SPIN1: variants seen among roughly 807,000 people sequenced by gnomAD.
SPIN1 encodes spindlin-1.
Under a neutral mutation model 26.0 loss-of-function variants are expected in SPIN1, and 3 were observed. The observed-to-expected ratio is 0.12, with a 90% CI of 0.05 to 0.30. The LOEUF (loss-of-function observed/expected upper bound fraction) is 0.30, where lower values mean the gene tolerates loss of function less well. SPIN1 is among the 10% of genes least tolerant of loss of function. The pLI, the probability that SPIN1 is intolerant of heterozygous loss-of-function variation, is 1.00. For synonymous variants in SPIN1, 101 were observed against 116.5 expected (o/e 0.87, Z 0.86); for missense variants, 126 against 333.4 (o/e 0.38, Z 4.84).
intron 2 of SPIN1, among the ~76,000 whole-genome samples, chr9:88,447,579 G>A (rs1317426188): frequency 6.6e-6 from 1 of 152,188 alleles, no homozygotes; most frequent in East Asian, 1.9e-4. Context: ...AGTGTTAAGA[G>A]GTGGCGATGG....
intron 2 of SPIN1, among the ~76,000 whole-genome samples, chr9:88,434,639 A>G (rs926400528): frequency 5.3e-5 from 8 of 152,128 alleles, no homozygotes; most frequent in Admixed American, 2.0e-4. Flanking sequence ...AGCAGTATGT[A>G]GAGCTCTTCC....
At chr9:88,452,047 A>G (rs534169228) in intron 3 of SPIN1, among the ~76,000 whole-genome samples, 8 of 152,184 alleles carry the variant, frequency 5.3e-5, no homozygotes, top group Non-Finnish European at 1.2e-4. Flanking sequence ...TTTTTCACTA[A>G]CTTAGAAAGT....
At chr9:88,441,124 C>G (rs1463688662) in intron 2 of SPIN1, among the ~76,000 whole-genome samples, 1 of 151,676 alleles carries the variant, frequency 6.6e-6, no homozygotes, top group East Asian at 1.9e-4. Flanking sequence ...TAAACATGTA[C>G]ATTATTGTCA....
chr9:88,421,897 A>G (rs902907111), intron 1 of SPIN1, among the ~76,000 whole-genome samples: 3 of 151,728 alleles, frequency 2.0e-5, no homozygotes, highest in Admixed American at 2.0e-4. Flanking sequence ...ATATTGCCAC[A>G]TTTCACCTGG....
rs568656483 is a variant in SPIN1, at chr9:88,389,660, A to G, written c.-159+1122A>G. Reference sequence around the variant, plus strand: ...AATGTCTTAAAGGATTTCACTCTACATGACTTGTGCCAGAGACGACACACG... The same window carrying G: ...AATGTCTTAAAGGATTTCACTCTACGTGACTTGTGCCAGAGACGACACACG... On this transcript the variant is annotated intron_variant, in intron 1 of 5. Coordinates refer to ENST00000375859, the MANE Select transcript of SPIN1 (RefSeq NM_006717.3). 1.5e-4 allele frequency among the ~76,000 whole-genome samples: 22 copies of G among 150,818 alleles called. 2 individuals are homozygous for G. The highest frequency in any genetic ancestry group is 5.0e-4 in the African/African-American group (20 of 40,168).
At chr9:88,389,189 C>T (rs536020763) in intron 1 of SPIN1, among the ~76,000 whole-genome samples, 2 of 152,304 alleles carry the variant, frequency 1.3e-5, no homozygotes, top group South Asian at 2.1e-4. Flanking sequence ...AGCCCCTTTC[C>T]TGATGCGCCG....
chr9:88,430,214 C>G (rs977834503), intron 2 of SPIN1, among the ~76,000 whole-genome samples: 1 of 152,218 alleles, frequency 6.6e-6, no homozygotes, highest in Non-Finnish European at 1.5e-5. Context: ...TGCCCTCAGG[C>G]AGGTGTCATC....
chr9:88,402,016 A>C (rs898765806), intron 1 of SPIN1, among the ~76,000 whole-genome samples: 2 of 152,088 alleles, frequency 1.3e-5, no homozygotes, highest in African/African-American at 4.8e-5. Context: ...TTTGAGATGG[A>C]GTCTCGCTCT....
chr9:88,408,378 T>A, intron 1 of SPIN1, among the ~76,000 whole-genome samples: 1 of 76,626 alleles, frequency 1.3e-5, no homozygotes, highest in African/African-American at 7.6e-4. Context: ...CTTTTTTTCT[T>A]TTTTTTTTTT....
chr9:88,438,401 G>A (rs1160254086), intron 2 of SPIN1, among the ~76,000 whole-genome samples: 3 of 152,094 alleles, frequency 2.0e-5, no homozygotes, highest in Non-Finnish European at 4.4e-5. Flanking sequence ...TTACGTTGTT[G>A]TATGACAGCA....
At chr9:88,411,402 A>T (rs1020942678) in intron 1 of SPIN1, 13 of 1,592,912 alleles carry the variant, frequency 8.2e-6, no homozygotes, top group East Asian at 2.2e-5. Context: ...TCAAAGCTCA[A>T]CCCTCCAATG....
At chr9:88,397,173 T>G (rs933230916) in intron 1 of SPIN1, among the ~76,000 whole-genome samples, 1 of 152,162 alleles carries the variant, frequency 6.6e-6, no homozygotes, top group Admixed American at 6.6e-5. Flanking sequence ...TTACTGTAAT[T>G]TTTTTAACTT....
intron 3 of SPIN1, 42 bp downstream of exon 3, chr9:88,449,031 C>T: frequency 1.3e-6 from 2 of 1,599,548 alleles, no homozygotes; most frequent in Non-Finnish European, 8.6e-7. Context: ...GTTTTGTGAC[C>T]TTTTGTTACG....
intron 1 of SPIN1, among the ~76,000 whole-genome samples, chr9:88,389,777 A>T (rs1054048879): frequency 1.3e-5 from 2 of 152,232 alleles, no homozygotes; most frequent in Non-Finnish European, 2.9e-5. Flanking sequence ...TGGAGGGTAC[A>T]GTAATTGCTT....
Position 88,441,669 on chromosome 9 carries a change from C to T in SPIN1, c.53-7272C>T, listed in dbSNP as rs116573368. Among the ~76,000 whole-genome samples the T allele has an allele frequency of 6.3e-3, 958 of 151,506 alleles. 30 individuals are homozygous for T. The highest frequency in any genetic ancestry group is 0.023 in the African/African-American group (925 of 41,056). On this transcript the variant is annotated intron_variant, in intron 2 of 5. Coordinates refer to ENST00000375859, the MANE Select transcript of SPIN1 (RefSeq NM_006717.3). ...ACTTCAGAGGTTGAGGCGGGAGGAC[C>T]GCTTGAGTCTTGGGACGTTGAGGTT...
chr9:88,395,620 T>C (rs1457795203), intron 1 of SPIN1, among the ~76,000 whole-genome samples: 1 of 152,110 alleles, frequency 6.6e-6, no homozygotes, highest in Non-Finnish European at 1.5e-5. Flanking sequence ...TAAAACTTTT[T>C]AATTTTTTGT....
intron 2 of SPIN1, among the ~76,000 whole-genome samples, chr9:88,431,014 C>T (rs969139090): frequency 4.0e-5 from 6 of 151,844 alleles, no homozygotes; most frequent in African/African-American, 1.5e-4. Context: ...TCCCAAGTGG[C>T]TGGGATTACA....
chr9:88,474,538 G>A (rs1474545612), intron 5 of SPIN1, among the ~76,000 whole-genome samples: 3 of 152,100 alleles, frequency 2.0e-5, no homozygotes, highest in Non-Finnish European at 4.4e-5. Flanking sequence ...TGAAGTTGAG[G>A]GGGAAGAAGC....
chr9:88,441,398 C>CGCGTGTGTGTGTGTGTGT lies in SPIN1; in HGVS notation c.53-7542_53-7541insCGTGTGTGTGTGTGTGTG, dbSNP rs757363030. On this transcript the variant is annotated intron_variant, in intron 2 of 5. Transcript: ENST00000375859. ...TGGTTGTATCATCATTGCTGCCATTCGTGTGTGTGTGTGTGTGCGCGCGCG... is the reference window on the plus strand; with the variant it reads ...TGGTTGTATCATCATTGCTGCCATTCGCGTGTGTGTGTGTGTGTGTGTGTGTGTGTGTGTGCGCGCGCG... Among the ~76,000 whole-genome samples the CGCGTGTGTGTGTGTGTGT allele has an allele frequency of 2.7e-4, 37 of 137,804 alleles. 2 individuals are homozygous for CGCGTGTGTGTGTGTGTGT. The highest frequency in any genetic ancestry group is 1.2e-3 in the African/African-American group (36 of 31,032). The allele number at this position is 137,804 out of a possible 152,430, so 90.4% of individuals were successfully genotyped here. A position where few individuals can be genotyped will look rare whatever the true frequency, so the allele number is the denominator to read the frequency against.
Sources: allele counts gnomAD v4.1 joint callset (sites outside exome capture counted in the v4.1 genomes callset), GRCh38; gene constraint gnomAD v4.1.1; transcripts MANE v1.5; gene names NCBI Gene and HGNC (gene_info 2026-07-23, HGNC 2026-07-21).